The following GRIN2A variants were observed in gnomAD, a reference collection of about 807,000 sequenced individuals.
GRIN2A encodes the protein glutamate ionotropic receptor NMDA type subunit 2A.
A neutral mutation model predicts 113.4 loss-of-function variants in GRIN2A; 22 were observed. The ratio of observed to expected loss-of-function variants is 0.19; its 90% CI spans 0.14 to 0.28. The LOEUF is 0.28. GRIN2A is among the 10% of genes least tolerant of loss of function. GRIN2A has a pLI of 1.00. For synonymous variants in GRIN2A, 827 were observed against 738.4 expected (o/e 1.12, Z -1.94); for missense variants, 1,502 against 1,887.0 (o/e 0.80, Z 3.78).
chr16:9,983,417 G>A (rs1009351508), intron 2 of GRIN2A, among the ~76,000 whole-genome samples: 2 of 151,668 alleles, frequency 1.3e-5, no homozygotes, highest in Non-Finnish European at 2.9e-5. Flanking sequence ...ATGTTGCCAC[G>A]AATGACAAGA....
intron 2 of GRIN2A, among the ~76,000 whole-genome samples, chr16:9,994,315 A>T (rs1309548505): frequency 1.3e-5 from 2 of 152,168 alleles, no homozygotes; most frequent in Non-Finnish European, 2.9e-5. Flanking sequence ...TACTTCCCCC[A>T]TCTTCTCTGT....
At position 10,105,461 on chromosome 16, in the gene GRIN2A, C is replaced by A. The variant is rs560833367; in HGVS notation, c.414+74537G>T. 2.4e-3 allele frequency among the ~76,000 whole-genome samples: 354 copies of A among 150,568 alleles called. 1 individual carries two copies. Among genetic ancestry groups the A allele is most frequent in the African/African-American group, 8.1e-3 (332 of 41,008 alleles). On this transcript the variant is annotated intron_variant, in intron 2 of 12. Transcript: ENST00000330684. ...GCTGACCCAATGTTTAATAGAGAAA[C>A]TACAAATTTTCAAACATAAGAAAAC...
At position 9,937,093 on chromosome 16, in the gene GRIN2A, T is replaced by C. The variant is rs141761921; in HGVS notation, c.1007+866A>G. 1.9e-3 allele frequency among the ~76,000 whole-genome samples: 287 copies of C among 151,700 alleles called. 3 individuals carry two copies. Among genetic ancestry groups the C allele is most frequent in the African/African-American group, 6.7e-3 (273 of 41,002 alleles). On this transcript the variant is annotated intron_variant, in intron 3 of 12. Coordinates refer to ENST00000330684, the MANE Select transcript of GRIN2A (RefSeq NM_001134407.3). ...GAAGCTTCAAAATCCCTAAATTAAA[T>C]GTTTATAAGACAAATGATGAATTCT...
chr16:10,153,164 T>G (rs1338115217), intron 2 of GRIN2A, among the ~76,000 whole-genome samples: 2 of 152,146 alleles, frequency 1.3e-5, no homozygotes, highest in African/African-American at 4.8e-5. Context: ...ACTATTCTGG[T>G]GGGGTATGTG....
chr16:9,940,862 T>A (rs1053531393), intron 2 of GRIN2A, among the ~76,000 whole-genome samples: 1 of 152,164 alleles, frequency 6.6e-6, no homozygotes, highest in Non-Finnish European at 1.5e-5. Context: ...CAGAACTTCA[T>A]TAATGCCAAA....
At position 9,898,287 on chromosome 16, in the gene GRIN2A, T is replaced by A. The variant is rs577056288; in HGVS notation, c.1008-7187A>T. 2.0e-5 allele frequency among the ~76,000 whole-genome samples: 3 copies of A among 152,280 alleles called. No homozygotes were observed. The South Asian group carries it at 6.2e-4, about 32-fold the overall frequency. On this transcript the variant is annotated intron_variant, in intron 3 of 12. Coordinates refer to ENST00000330684, the MANE Select transcript of GRIN2A (RefSeq NM_001134407.3). ...AACACCCTACTACAAATGCAATGCTTTTTAAAGCCATGCTTCCCCTTGCCA... is the reference window on the plus strand; with the variant it reads ...AACACCCTACTACAAATGCAATGCTATTTAAAGCCATGCTTCCCCTTGCCA...
At chr16:10,013,821 T>A (rs1353361358) in intron 2 of GRIN2A, among the ~76,000 whole-genome samples, 1 of 152,226 alleles carries the variant, frequency 6.6e-6, no homozygotes, top group African/African-American at 2.4e-5. Flanking sequence ...CTTAAAGTGG[T>A]TTGACCCACA....
At chr16:10,063,098 T>C (rs1227740927) in intron 2 of GRIN2A, among the ~76,000 whole-genome samples, 1 of 152,162 alleles carries the variant, frequency 6.6e-6, no homozygotes, top group Non-Finnish European at 1.5e-5. Context: ...CTGGAGGACA[T>C]TATCCTAAGC....
At chr16:10,083,697 T>C (rs1402818512) in intron 2 of GRIN2A, among the ~76,000 whole-genome samples, 1 of 152,256 alleles carries the variant, frequency 6.6e-6, no homozygotes, top group Admixed American at 6.5e-5. Context: ...AGACATGCTT[T>C]ATAAAGTCAC....
chr16:10,156,090 G>A (rs187735497), intron 2 of GRIN2A, among the ~76,000 whole-genome samples: 1 of 152,326 alleles, frequency 6.6e-6, no homozygotes, highest in East Asian at 1.9e-4. Context: ...CAGGAAAACT[G>A]TCAGGCTTCC....
chr16:9,849,530 A>G (rs902883656), intron 5 of GRIN2A, among the ~76,000 whole-genome samples: 3 of 152,082 alleles, frequency 2.0e-5, no homozygotes, highest in African/African-American at 7.2e-5. Context: ...ACAATGGGCA[A>G]AACTACTCAC....
At chr16:10,120,954 C>T (rs1044927926) in intron 2 of GRIN2A, among the ~76,000 whole-genome samples, 6 of 152,088 alleles carry the variant, frequency 3.9e-5, no homozygotes, top group Non-Finnish European at 7.3e-5. Context: ...TCTTTTCAGC[C>T]CCTGTATCCA....
chr16:9,915,561 T>C (rs1326555590), intron 3 of GRIN2A, among the ~76,000 whole-genome samples: 1 of 152,220 alleles, frequency 6.6e-6, no homozygotes, highest in Non-Finnish European at 1.5e-5. Context: ...CTCCTAAAAC[T>C]TGTATGTTTT....
chr16:10,056,700 AAC>A (rs1166995696), intron 2 of GRIN2A, among the ~76,000 whole-genome samples: 1 of 152,158 alleles, frequency 6.6e-6, no homozygotes, highest in African/African-American at 2.4e-5. Context: ...TAAATATGGA[AAC>A]AGAGACTAGA....
intron 7 of GRIN2A, 75 bp from the exon 8 acceptor site, chr16:9,834,305 T>G: frequency 6.9e-7 from 1 of 1,448,668 alleles, no homozygotes; most frequent in South Asian, 1.1e-5. Context: ...AGCCCAGACA[T>G]CCATTTGCAG....
chr16:9,804,947 A>G (rs2041936245), intron 10 of GRIN2A, among the ~76,000 whole-genome samples: 2 of 152,344 alleles, frequency 1.3e-5, no homozygotes, highest in South Asian at 2.1e-4. Flanking sequence ...CGGATGTCAC[A>G]TGTGCCCCAT....
intron 2 of GRIN2A, among the ~76,000 whole-genome samples, chr16:9,952,062 T>C (rs764056909): frequency 1.3e-5 from 2 of 152,106 alleles, no homozygotes; most frequent in Admixed American, 6.5e-5. Flanking sequence ...GAGAAATAAA[T>C]AGAAGGCTCT....
In GRIN2A at chr16:9,764,704, C is replaced by G. The variant is rs2141136639; in HGVS notation, c.2840G>C (p.Arg947Thr). The G allele has an allele frequency of 6.2e-7, 1 of 1,614,214 alleles. No individual in the cohort carries two copies. Among genetic ancestry groups the G allele is most frequent in the Non-Finnish European group, 8.5e-7 (1 of 1,180,032 alleles). ...DKGNLMYSDN[R>T]SFQGKESIFG... is the part of the protein sequence containing the mutation. ...AATGCTCTCTTTCCCCTGAAAGGAC[C>G]TGTTGTCTGAGTACATCAAATTCCC... Residue 947 changes from arginine to threonine, a missense_variant, in exon 13 of 13, where the codon AGG becomes ACG. Arg to Thr is a moderately conservative substitution (Grantham distance 71, BLOSUM62 -1). Around this residue, in one of 7 missense-constraint regions of GRIN2A, gnomAD observed 832 missense variants for 789.7 expected, o/e 1.05. Coordinates refer to ENST00000330684, the MANE Select transcript of GRIN2A (RefSeq NM_001134407.3).
rs567440317 is a variant in GRIN2A, at chr16:10,015,118, G to T, written c.415-76567C>A. ...AAAGTACAAAAATTAGCTGGGCATG[G>T]TGGCACATGCCTATAATCCCAGCTA... On this transcript the variant is annotated intron_variant, in intron 2 of 12. Transcript: ENST00000330684. Among the ~76,000 whole-genome samples the T allele has an allele frequency of 1.0e-3, 155 of 151,842 alleles. 1 individual carries two copies. Among genetic ancestry groups the T allele is most frequent in the African/African-American group, 3.6e-3 (149 of 41,434 alleles).
Sources: allele counts gnomAD v4.1 joint callset (sites outside exome capture counted in the v4.1 genomes callset), GRCh38; gene constraint gnomAD v4.1.1; regional missense constraint gnomAD v4.1.1; transcripts MANE v1.5; gene names NCBI Gene and HGNC (gene_info 2026-07-23, HGNC 2026-07-21).